Variants in PIBF1 observed in about 807,000 individuals in gnomAD.
PIBF1 encodes progesterone-induced-blocking factor 1.
PIBF1 carries 90 observed loss-of-function variants against 112.5 expected under a neutral mutation model. The ratio of observed to expected loss-of-function variants is 0.80; its 90% CI spans 0.67 to 0.95. The LOEUF (loss-of-function observed/expected upper bound fraction) is 0.95. Among genes scored for constraint, PIBF1 ranks in the 40% least tolerant of loss-of-function variants. The pLI, the probability that PIBF1 is intolerant of heterozygous loss-of-function variation, is 0.00. For synonymous variants in PIBF1, 301 were observed against 288.6 expected (o/e 1.04, Z -0.44); for missense variants, 915 against 852.3 (o/e 1.07, Z -0.92).
chr13:72,961,637 G>A (rs1454776467), intron 14 of PIBF1, among the ~76,000 whole-genome samples: 2 of 152,034 alleles, frequency 1.3e-5, no homozygotes, highest in African/African-American at 4.8e-5. Context: ...ATTTTGTTTT[G>A]TGTAATAAAT....
At chr13:72,820,150 A>G (rs2036483918) in intron 5 of PIBF1, among the ~76,000 whole-genome samples, 1 of 152,138 alleles carries the variant, frequency 6.6e-6, no homozygotes, top group African/African-American at 2.4e-5. Context: ...TACATGTATT[A>G]CTTGATATAT....
chr13:72,829,664 C>CTGTT (rs2138173305), intron 8 of PIBF1, among the ~76,000 whole-genome samples: 1 of 152,242 alleles, frequency 6.6e-6, no homozygotes, highest in African/African-American at 2.4e-5. Context: ...CAGTACTGTG[C>CTGTT]TGTTTTTATT....
chr13:72,972,713 T>C (rs2042928233), intron 15 of PIBF1, among the ~76,000 whole-genome samples: 2 of 152,208 alleles, frequency 1.3e-5, no homozygotes, highest in Non-Finnish European at 2.9e-5. Flanking sequence ...TTGTTAGTTT[T>C]ACCCTCACAA....
intron 11 of PIBF1, among the ~76,000 whole-genome samples, chr13:72,896,187 C>A (rs1436706138): frequency 6.6e-6 from 1 of 152,110 alleles, no homozygotes; most frequent in African/African-American, 2.4e-5. Flanking sequence ...GGTAGCTATA[C>A]CCAGAAGAGC....
At chr13:72,876,523 A>G (rs1257963155) in intron 10 of PIBF1, among the ~76,000 whole-genome samples, 1 of 152,190 alleles carries the variant, frequency 6.6e-6, no homozygotes, top group African/African-American at 2.4e-5. Flanking sequence ...TCAATCTTGC[A>G]AGAACTGACA....
intron 5 of PIBF1, among the ~76,000 whole-genome samples, chr13:72,801,926 AT>A (rs2035498624): frequency 6.6e-6 from 1 of 152,230 alleles, no homozygotes; most frequent in Non-Finnish European, 1.5e-5. Flanking sequence ...GAGACCATTA[AT>A]TTTGTAAACA....
At chr13:72,893,085 A>G (rs2040123246) in intron 10 of PIBF1, among the ~76,000 whole-genome samples, 1 of 152,198 alleles carries the variant, frequency 6.6e-6, no homozygotes, top group Non-Finnish European at 1.5e-5. Flanking sequence ...TAACTCCCTG[A>G]AAAGATACAG....
intron 4 of PIBF1, among the ~76,000 whole-genome samples, chr13:72,795,946 A>G (rs1038839853): frequency 9.9e-5 from 15 of 152,170 alleles, no homozygotes; most frequent in Non-Finnish European, 1.6e-4. Flanking sequence ...TTGGCGCAAG[A>G]TCTTGATTGC....
At chr13:72,991,700 G>A (rs1453703282) in intron 16 of PIBF1, among the ~76,000 whole-genome samples, 1 of 151,754 alleles carries the variant, frequency 6.6e-6, no homozygotes, top group South Asian at 2.1e-4. Flanking sequence ...ACCAGCCTGG[G>A]CAACACACCC....
chr13:72,922,143 T>TA (rs1002878421), intron 13 of PIBF1, among the ~76,000 whole-genome samples: 3 of 151,776 alleles, frequency 2.0e-5, no homozygotes, highest in African/African-American at 7.2e-5. Flanking sequence ...CTAATTTTTT[T>TA]ATTTTTTATT....
chr13:72,792,965 G>A (rs1166786324), intron 3 of PIBF1, among the ~76,000 whole-genome samples: 1 of 152,072 alleles, frequency 6.6e-6, no homozygotes, highest in Non-Finnish European at 1.5e-5. Context: ...TTATACTTAT[G>A]TAACTTAATT....
intron 6 of PIBF1, among the ~76,000 whole-genome samples, chr13:72,826,025 A>G (rs1222344323): frequency 2.6e-5 from 4 of 151,466 alleles, no homozygotes; most frequent in African/African-American, 7.3e-5. Context: ...GTGACATAGC[A>G]AGACCCCCAT....
At chr13:72,960,158 A>G (rs570523086) in intron 14 of PIBF1, among the ~76,000 whole-genome samples, 1 of 152,340 alleles carries the variant, frequency 6.6e-6, no homozygotes, top group Non-Finnish European at 1.5e-5. Context: ...CAGCATTATT[A>G]TAGTATTTAT....
At chr13:72,870,867 G>T (rs1464027032) in intron 10 of PIBF1, among the ~76,000 whole-genome samples, 1 of 151,358 alleles carries the variant, frequency 6.6e-6, no homozygotes, top group Admixed American at 6.6e-5. Flanking sequence ...ACCTGATTCA[G>T]AGTGTACAAG....
intron 17 of PIBF1, among the ~76,000 whole-genome samples, chr13:73,001,633 T>A (rs1244465456): frequency 8.6e-6 from 1 of 116,138 alleles, no homozygotes; most frequent in Non-Finnish European, 1.9e-5. Context: ...GACTTTTTTT[T>A]TTTTTGGAGA....
intron 9 of PIBF1, among the ~76,000 whole-genome samples, chr13:72,851,277 C>T (rs572551162): frequency 7.8e-4 from 119 of 152,336 alleles, no homozygotes; most frequent in African/African-American, 2.6e-3. Flanking sequence ...TATCTTCGGC[C>T]TAGGGAGCCC....
At chr13:72,799,714 T>C (rs193032703) in intron 5 of PIBF1, among the ~76,000 whole-genome samples, 4 of 152,292 alleles carry the variant, frequency 2.6e-5, no homozygotes, top group African/African-American at 9.6e-5. Flanking sequence ...GTACAGGGGT[T>C]ATTGGGGAAG....
chr13:72,992,017 C>T (rs1335591583), intron 16 of PIBF1, among the ~76,000 whole-genome samples: 2 of 152,100 alleles, frequency 1.3e-5, no homozygotes, highest in Non-Finnish European at 2.9e-5. Context: ...CGTGCCCAGC[C>T]CCCGTCTCAA....
intron 5 of PIBF1, among the ~76,000 whole-genome samples, chr13:72,818,085 G>A (rs532188142): frequency 6.6e-6 from 1 of 151,948 alleles, no homozygotes; most frequent in South Asian, 2.1e-4. Context: ...TATACACTAT[G>A]TATATAACAT....
Sources: gnomAD v4.1 joint callset for allele counts (sites outside exome capture counted in the v4.1 genomes callset) on GRCh38, gnomAD v4.1.1 for gene constraint, MANE v1.5 for transcripts, NCBI Gene and HGNC (gene_info 2026-07-23, HGNC 2026-07-21) for gene names.